CD9: variants seen among roughly 807,000 people sequenced by gnomAD.
CD9 encodes the protein CD9 antigen.
Under a neutral mutation model 31.4 loss-of-function variants are expected in CD9, and 10 were observed. That is an observed-to-expected ratio of 0.32 (90% CI 0.20 to 0.54). The LOEUF is 0.54. Among genes scored for constraint, CD9 ranks in the 20% least tolerant of loss-of-function variants. The pLI, the probability that CD9 is intolerant of heterozygous loss-of-function variation, is 0.94. For synonymous variants in CD9, 113 were observed against 114.1 expected (o/e 0.99, Z 0.06); for missense variants, 259 against 300.1 (o/e 0.86, Z 1.01).
At chr12:6,200,697 C>G (rs1051857170) in intron 1 of CD9, 132 bp downstream of exon 1, 2 of 568,890 alleles carry the variant, frequency 3.5e-6, no homozygotes, top group Admixed American at 7.0e-5. Context: ...GAAGAGAGAG[C>G]GCCCTGCGGC....
intron 4 of CD9, 134 bp downstream of exon 4, chr12:6,233,620 T>G (rs1004485039): frequency 1.4e-5 from 10 of 696,484 alleles, no homozygotes; most frequent in Admixed American, 7.1e-5. Context: ...ATCGCGTCCC[T>G]GTGTGCCAGC....
chr12:6,233,455 C>T lies in CD9; in HGVS notation c.317C>T (p.Ala106Val), dbSNP rs746317738. 1.2e-5 allele frequency: 20 copies of T among 1,613,860 alleles called. No homozygotes were observed. Among genetic ancestry groups the T allele is most frequent in the Admixed American group, 3.3e-5 (2 of 60,008 alleles). ...LLVIFAIEIA[A>V]AIWGYSHKDE... is the part of the protein sequence containing the mutation. ...GTGATATTCGCCATTGAAATAGCTG[C>T]GGCCATCTGGGGATATTCCCACAAG... The change falls in exon 4 of 8, where the codon GCG becomes GTG. Residue 106 changes from alanine to valine, a missense_variant. By Grantham distance (64) the Ala-to-Val change is moderately conservative. Transcript: ENST00000009180.
At chr12:6,217,700 G>A (rs1018793867) in intron 1 of CD9, among the ~76,000 whole-genome samples, 1 of 152,258 alleles carries the variant, frequency 6.6e-6, no homozygotes, top group East Asian at 1.9e-4. Flanking sequence ...TAACCAAGTA[G>A]CCATTGCTTT....
At chr12:6,214,687 C>G (rs865844736) in intron 1 of CD9, among the ~76,000 whole-genome samples, 1 of 151,914 alleles carries the variant, frequency 6.6e-6, no homozygotes, top group South Asian at 2.1e-4. Context: ...TTCTAGAGTT[C>G]GGGGAGGTTT....
intron 7 of CD9, chr12:6,236,831 C>G (rs1195140748): frequency 4.4e-6 from 1 of 229,084 alleles, no homozygotes; most frequent in Middle Eastern, 1.4e-3. Context: ...AGTCTTCCCC[C>G]ACCCCCGCCT....
intron 1 of CD9, among the ~76,000 whole-genome samples, chr12:6,224,823 G>C (rs1946341398): frequency 6.6e-6 from 1 of 152,148 alleles, no homozygotes; most frequent in African/African-American, 2.4e-5. Context: ...CAGGTCTCCA[G>C]GGACATTGCA....
chr12:6,212,209 G>A (rs544327722), intron 1 of CD9, among the ~76,000 whole-genome samples: 1 of 152,256 alleles, frequency 6.6e-6, no homozygotes, highest in East Asian at 1.9e-4. Context: ...GCTGACAGCT[G>A]GGTCACTCAT....
chr12:6,211,779 G>T (rs537978202), intron 1 of CD9, among the ~76,000 whole-genome samples: 1 of 152,348 alleles, frequency 6.6e-6, no homozygotes, highest in African/African-American at 2.4e-5. Flanking sequence ...AGGGATTTAT[G>T]GGCTGGCCAG....
At chr12:6,234,574 T>A (rs1481788132) in intron 4 of CD9, 1 of 152,172 alleles carries the variant, frequency 6.6e-6, no homozygotes, top group African/African-American at 2.4e-5. Context: ...GGAAAAATGC[T>A]GGCTGTTGGT....
chr12:6,200,452 GCC>G lies in CD9; in HGVS notation c.-43_-42del. Reference sequence around the variant, plus strand: ...GGTCCCGCCAGTCCCAGCTGCGCGCGCCCCCCAGTCCCGCACCCGTTCGGCCC... The same window carrying G: ...GGTCCCGCCAGTCCCAGCTGCGCGCGCCCCAGTCCCGCACCCGTTCGGCCC... On this transcript the variant is annotated 5_prime_UTR_variant, in exon 1 of 8. Transcript: ENST00000009180. 1.6e-6 allele frequency: 2 copies of G among 1,280,440 alleles called. No homozygotes were observed. The highest frequency in any genetic ancestry group is 1.2e-5 in the South Asian group (1 of 82,840). 79.3% of individuals were successfully genotyped at this position (1,280,440 alleles called of 1,614,324 possible).
chr12:6,229,360 A>G (rs1946412383), intron 2 of CD9, among the ~76,000 whole-genome samples: 1 of 152,196 alleles, frequency 6.6e-6, no homozygotes, highest in South Asian at 2.1e-4. Context: ...GACCTGGGGC[A>G]GTTCATTTTA....
intron 1 of CD9, among the ~76,000 whole-genome samples, chr12:6,202,749 A>C (rs1278628883): frequency 6.6e-6 from 1 of 152,212 alleles, no homozygotes; most frequent in Non-Finnish European, 1.5e-5. Flanking sequence ...AGTCTGAAAC[A>C]GAAATCACTC....
At chr12:6,225,598 G>T in intron 2 of CD9, 64 bp downstream of exon 2, 3 of 1,044,472 alleles carry the variant, frequency 2.9e-6, no homozygotes, top group Non-Finnish European at 4.5e-6. Context: ...TGCAACTTTG[G>T]AGGCCCCATG....
intron 1 of CD9, among the ~76,000 whole-genome samples, chr12:6,210,961 C>G (rs1946187863): frequency 6.6e-6 from 1 of 151,762 alleles, no homozygotes; most frequent in Non-Finnish European, 1.5e-5. Flanking sequence ...CTCAGCCTCC[C>G]AAGTAGCTGG....
intron 2 of CD9, chr12:6,225,743 C>T (rs1946357006): frequency 3.5e-6 from 2 of 572,262 alleles, no homozygotes; most frequent in Admixed American, 3.1e-5. Flanking sequence ...GGTTTCTTTT[C>T]CTGATGGCCA....
At chr12:6,236,117 G>C in intron 6 of CD9, 75 bp from the exon 7 acceptor site, 1 of 1,591,198 alleles carries the variant, frequency 6.3e-7, no homozygotes, top group Non-Finnish European at 8.6e-7. Context: ...CGGGTGAGAC[G>C]GGGGCCATGG....
chr12:6,214,015 A>T lies in CD9; in HGVS notation c.67-11411A>T, dbSNP rs143066532. ...TGTCCCCCAAGAAAATTTCTCAGGG[A>T]TTCACATCTTTCCCAGTCACCCCCT... On this transcript the variant is annotated intron_variant, in intron 1 of 7. Coordinates refer to ENST00000009180, the MANE Select transcript of CD9 (RefSeq NM_001769.4). Among the ~76,000 whole-genome samples the T allele has an allele frequency of 3.3e-5, 5 of 152,298 alleles. No homozygotes were observed. The East Asian group carries it at 9.6e-4, about 29-fold the overall frequency.
At chr12:6,223,411 G>A (rs868761315) in intron 1 of CD9, among the ~76,000 whole-genome samples, 11 of 152,084 alleles carry the variant, frequency 7.2e-5, no homozygotes, top group South Asian at 6.2e-4. Context: ...ACAGGCGCCC[G>A]CCACCACGCC....
intron 1 of CD9, among the ~76,000 whole-genome samples, chr12:6,208,699 G>A (rs1382179575): frequency 2.0e-5 from 3 of 151,960 alleles, no homozygotes; most frequent in Non-Finnish European, 4.4e-5. Flanking sequence ...AGCCTCCTGA[G>A]TAGTTGGGAT....
Sources: gnomAD v4.1 joint callset for allele counts (sites outside exome capture counted in the v4.1 genomes callset) on GRCh38, gnomAD v4.1.1 for gene constraint, MANE v1.5 for transcripts, NCBI Gene and HGNC (gene_info 2026-07-23, HGNC 2026-07-21) for gene names.